Variants in SLC9A9 observed in about 807,000 individuals in gnomAD.
SLC9A9 encodes the protein sodium/hydrogen exchanger 9.
Under a neutral mutation model 77.8 loss-of-function variants are expected in SLC9A9, and 62 were observed. The ratio of observed to expected loss-of-function variants is 0.80; its 90% confidence interval spans 0.65 to 0.98. The LOEUF is 0.98. Among genes scored for constraint, SLC9A9 ranks in the 50% least tolerant of loss-of-function variants. The pLI, the probability that SLC9A9 is intolerant of heterozygous loss-of-function variation, is 0.00. For synonymous variants in SLC9A9, 320 were observed against 283.5 expected (o/e 1.13, Z -1.29); for missense variants, 775 against 774.9 (o/e 1.00, Z 0.00).
At chr3:143,332,576 T>A (rs965667102) in intron 14 of SLC9A9, among the ~76,000 whole-genome samples, 3 of 152,246 alleles carry the variant, frequency 2.0e-5, no homozygotes, top group Admixed American at 6.5e-5. Flanking sequence ...ACATTTGAGA[T>A]GCTTGTTACA....
At chr3:143,805,918 T>TCG (rs1350154455) in intron 2 of SLC9A9, among the ~76,000 whole-genome samples, 1 of 152,210 alleles carries the variant, frequency 6.6e-6, no homozygotes, top group Non-Finnish European at 1.5e-5. Context: ...TCACAGAGAC[T>TCG]CGAGTGAAAG....
intron 12 of SLC9A9, among the ~76,000 whole-genome samples, chr3:143,432,917 C>T (rs76432827): frequency 0.028 from 4,317 of 152,296 alleles, 220 homozygotes; most frequent in African/African-American, 0.099. Context: ...TAAGCTACTG[C>T]GCCTGGCCTC....
At chr3:143,518,528 T>C (rs1248592991) in intron 9 of SLC9A9, among the ~76,000 whole-genome samples, 1 of 152,256 alleles carries the variant, frequency 6.6e-6, no homozygotes, top group Non-Finnish European at 1.5e-5. Context: ...CTGCAGTAAT[T>C]ACTGTCCTAA....
intron 3 of SLC9A9, 133 bp from the exon 4 acceptor site, chr3:143,795,210 T>G: frequency 1.7e-6 from 1 of 597,334 alleles, no homozygotes; most frequent in Admixed American, 2.4e-5. Flanking sequence ...GCCTCGTTCC[T>G]GGCCTTATTG....
At chr3:143,621,724 G>A (rs192079740) in intron 6 of SLC9A9, among the ~76,000 whole-genome samples, 3,071 of 152,278 alleles carry the variant, frequency 0.02, 34 homozygotes, top group Non-Finnish European at 0.033. Flanking sequence ...TCCTCCAAAG[G>A]AACTCAGCTC....
At chr3:143,592,773 C>T (rs1221038564) in intron 6 of SLC9A9, among the ~76,000 whole-genome samples, 1 of 152,176 alleles carries the variant, frequency 6.6e-6, no homozygotes, top group Admixed American at 6.5e-5. Context: ...GACTCACCAT[C>T]CCTGCCACCA....
At chr3:143,482,860 C>G (rs1031564229) in intron 11 of SLC9A9, among the ~76,000 whole-genome samples, 1 of 152,266 alleles carries the variant, frequency 6.6e-6, no homozygotes, top group South Asian at 2.1e-4. Context: ...TTCAAGGGAA[C>G]TGAGAGCTGA....
chr3:143,818,993 A>C (rs904196328), intron 2 of SLC9A9, among the ~76,000 whole-genome samples: 1 of 152,158 alleles, frequency 6.6e-6, no homozygotes, highest in Non-Finnish European at 1.5e-5. Flanking sequence ...TGAGGTAGGG[A>C]ATCGCTTGAA....
chr3:143,763,036 G>A (rs7613141), intron 4 of SLC9A9, among the ~76,000 whole-genome samples: 44,450 of 151,964 alleles, frequency 0.29, 6,567 homozygotes, highest in Admixed American at 0.31. Context: ...AAGAGGAGGC[G>A]ATGGAACTAT....
intron 7 of SLC9A9, among the ~76,000 whole-genome samples, chr3:143,576,372 T>C (rs2108660647): frequency 6.6e-6 from 1 of 152,344 alleles, no homozygotes; most frequent in Middle Eastern, 3.4e-3. Flanking sequence ...ATGTGATTAT[T>C]ACCATGCTCA....
intron 14 of SLC9A9, among the ~76,000 whole-genome samples, chr3:143,318,643 G>A (rs1315592474): frequency 2.6e-5 from 4 of 152,270 alleles, no homozygotes; most frequent in Admixed American, 6.5e-5. Flanking sequence ...GAACTTGCCA[G>A]AGTCCTCACC....
intron 11 of SLC9A9, among the ~76,000 whole-genome samples, chr3:143,481,150 C>A (rs1385014909): frequency 6.6e-6 from 1 of 152,050 alleles, no homozygotes; most frequent in African/African-American, 2.4e-5. Context: ...TAGAGATAAG[C>A]ATTTTGGATT....
chr3:143,404,736 T>C (rs2033940135), intron 12 of SLC9A9, among the ~76,000 whole-genome samples: 1 of 152,186 alleles, frequency 6.6e-6, no homozygotes, highest in Admixed American at 6.5e-5. Flanking sequence ...TCCTCCCCCA[T>C]ACCCATGGCA....
chr3:143,724,970 A>C (rs915371349), intron 4 of SLC9A9, among the ~76,000 whole-genome samples: 32 of 152,276 alleles, frequency 2.1e-4, no homozygotes, highest in African/African-American at 7.5e-4. Flanking sequence ...GAGTTTACAC[A>C]AGAGACTAGG....
chr3:143,518,259 G>A, intron 9 of SLC9A9: 1 of 1,533,886 alleles, frequency 6.5e-7, no homozygotes, highest in Non-Finnish European at 8.9e-7. Flanking sequence ...AAGCTCAGGG[G>A]CTGCAGCCCG....
At chr3:143,745,945 A>C (rs996386453) in intron 4 of SLC9A9, among the ~76,000 whole-genome samples, 37 of 152,332 alleles carry the variant, frequency 2.4e-4, no homozygotes, top group African/African-American at 7.9e-4. Context: ...GAAAAGAAAG[A>C]GACAGGTTAG....
chr3:143,572,423 ATTAATAC>A (rs1368447526), intron 8 of SLC9A9, among the ~76,000 whole-genome samples: 1 of 152,042 alleles, frequency 6.6e-6, no homozygotes, highest in Non-Finnish European at 1.5e-5. Flanking sequence ...TTTTCTTATT[ATTAATAC>A]TACTTGGATC....
At chr3:143,673,462 TTTAA>T (rs2039190495) in intron 5 of SLC9A9, among the ~76,000 whole-genome samples, 1 of 151,834 alleles carries the variant, frequency 6.6e-6, no homozygotes. Context: ...AAAATGCACA[TTTAA>T]TTAGAGAAGG....
rs751037426 is a variant in SLC9A9, at chr3:143,795,007, A to T, written c.527T>A (p.Val176Asp). 9 of 1,613,964 alleles carry T rather than the reference A, an allele frequency of 5.6e-6. No individual in the cohort carries two copies. In the Admixed American group the frequency reaches 6.7e-5, roughly 12 times the overall value. The change falls in exon 4 of 16, where the codon GTC becomes GAC. Residue 176 changes from valine (V) to aspartate (D), a missense_variant. Val to Asp is a radical substitution (Grantham distance 152). Coordinates refer to ENST00000316549, the MANE Select transcript of SLC9A9 (RefSeq NM_173653.4). ...AFLGTAISCIVIGLIMYGFVK... is the reference protein window; with the variant it reads ...AFLGTAISCIDIGLIMYGFVK... ...AGCTCCGAATGTCACTTACCCTATG[A>T]CGATGCAGGAGATGGCAGTTCCCAA...
Sources: allele counts gnomAD v4.1 joint callset (sites outside exome capture counted in the v4.1 genomes callset), GRCh38; gene constraint gnomAD v4.1.1; transcripts MANE v1.5; gene names NCBI Gene and HGNC (gene_info 2026-07-23, HGNC 2026-07-21).